Variants in RASSF4 observed in about 807,000 individuals in gnomAD.
RASSF4 encodes ras association domain-containing protein 4.
Under a neutral mutation model 41.1 loss-of-function variants are expected in RASSF4, and 38 were observed. The observed-to-expected ratio is 0.92, with a 90% CI of 0.71 to 1.21. The LOEUF (loss-of-function observed/expected upper bound fraction) is 1.21. RASSF4 is among the 50% of genes most tolerant of loss of function. The pLI is 0.00. For synonymous variants in RASSF4, 179 were observed against 163.4 expected (o/e 1.10, Z -0.73); for missense variants, 414 against 419.4 (o/e 0.99, Z 0.11).
chr10:44,984,890 C>A lies in RASSF4; in HGVS notation c.451C>A (p.Pro151Thr). Residue 151 changes from proline (P) to threonine (T), a missense_variant, in exon 6 of 11, where the codon CCC becomes ACC. By Grantham distance (38) the Pro-to-Thr change is conservative (BLOSUM62 -1). Transcript: ENST00000340258. ...SDASCMSQRR[P>T]KCRAPGEAQR... ...CGCCAGTTGCATGAGCCAGAGGAGGCCCAAGTGCCGCGCCCCCGGTGAGGC... is the reference window on the plus strand; with the variant it reads ...CGCCAGTTGCATGAGCCAGAGGAGGACCAAGTGCCGCGCCCCCGGTGAGGC... 6.2e-7 allele frequency: 1 copy of A among 1,613,610 alleles called. No individual in the cohort carries two copies. Among genetic ancestry groups the A allele is most frequent in the Non-Finnish European group, 8.5e-7 (1 of 1,180,020 alleles).
intron 3 of RASSF4, among the ~76,000 whole-genome samples, chr10:44,974,967 T>C (rs1315718993): frequency 6.6e-6 from 1 of 152,242 alleles, no homozygotes; most frequent in Non-Finnish European, 1.5e-5. Flanking sequence ...GGCTGGCTGG[T>C]ATCTCAAAAG....
intron 1 of RASSF4, 100 bp downstream of exon 1, chr10:44,959,966 T>G (rs1358444390): frequency 6.6e-6 from 1 of 152,226 alleles, no homozygotes. Flanking sequence ...TGGGCACTTG[T>G]GCCCTTCGGC....
chr10:44,989,705 C>T lies in RASSF4; in HGVS notation c.669C>T (p.Ile223=), dbSNP rs11540204. The part of the protein sequence containing the change: ...EDGPSEFALY[I]VHESGERTKL... ...GCCCCAGTGAGTTCGCACTCTACATCGTTCACGAGTCTGGGGGTAAGTACC... is the reference window on the plus strand; with the variant it reads ...GCCCCAGTGAGTTCGCACTCTACATTGTTCACGAGTCTGGGGGTAAGTACC... Residue 223 remains isoleucine, a synonymous_variant, in exon 8 of 11, where the codon ATC becomes ATT. Transcript: ENST00000340258. 3,070 of 1,614,130 alleles carry T rather than the reference C, an allele frequency of 1.9e-3. 3 individuals are homozygous for T. The highest frequency in any genetic ancestry group is 2.4e-3 in the Non-Finnish European group (2,852 of 1,179,972).
chr10:44,989,238 G>A (rs1410274088), intron 6 of RASSF4, 36 bp from the exon 7 acceptor site: 2 of 1,393,788 alleles, frequency 1.4e-6, no homozygotes, highest in Middle Eastern at 1.8e-4. Flanking sequence ...TGTCCCCTCT[G>A]GGCCTGACCT....
At chr10:44,972,307 T>C (rs1202781051) in intron 3 of RASSF4, among the ~76,000 whole-genome samples, 4 of 152,190 alleles carry the variant, frequency 2.6e-5, no homozygotes, top group Admixed American at 2.6e-4. Context: ...AAGTGGGGTG[T>C]GGGGCTACAC....
rs1041016380 is a variant in RASSF4 at position 44,993,001 on chromosome 10, C to T, written c.906-268C>T. Among the ~76,000 whole-genome samples, 13 of 152,232 alleles carry T rather than the reference C, an allele frequency of 8.5e-5. No homozygotes were observed. The East Asian group carries it at 2.1e-3, about 25-fold the overall frequency. On this transcript the variant is annotated intron_variant, in intron 10 of 10. Coordinates refer to ENST00000340258, the MANE Select transcript of RASSF4 (RefSeq NM_032023.4). ...CATGGGCTTCCCGATCTCTGCTCTA[C>T]CGCCCTGTCCACTCCAGTGTGCTGT... is the stretch of plus-strand genomic sequence containing the variant.
At chr10:44,977,334 A>C (rs1310648035) in intron 3 of RASSF4, 1 of 1,506,916 alleles carries the variant, frequency 6.6e-7, no homozygotes, top group Non-Finnish European at 8.9e-7. Flanking sequence ...ACCATGGAGG[A>C]GACGAGAGGA....
intron 1 of RASSF4, among the ~76,000 whole-genome samples, chr10:44,964,558 C>T (rs1840831801): frequency 6.6e-6 from 1 of 152,246 alleles, no homozygotes; most frequent in South Asian, 2.1e-4. Flanking sequence ...CTCCTGCTGC[C>T]ACCCATGCAG....
At chr10:44,964,763 C>T (rs1840838418) in intron 1 of RASSF4, among the ~76,000 whole-genome samples, 1 of 152,208 alleles carries the variant, frequency 6.6e-6, no homozygotes, top group South Asian at 2.1e-4. Flanking sequence ...CTTTCCTCTC[C>T]TGTTGGGTGT....
chr10:44,989,783 C>A, intron 8 of RASSF4, 62 bp downstream of exon 8: 1 of 1,417,478 alleles, frequency 7.1e-7, no homozygotes, highest in Non-Finnish European at 1.0e-6. Flanking sequence ...TCAGCAAGCC[C>A]CCTCCCCACC....
rs1841807692 is a variant in RASSF4, at chr10:44,983,738, C to T, written c.282-284C>T. 4 of 436,536 alleles carry T rather than the reference C, an allele frequency of 9.2e-6. No individual in the cohort carries two copies. In the South Asian group the frequency reaches 9.6e-5, roughly 10 times the overall value. The allele number at this position is 436,536 out of a possible 1,614,324, so 27.0% of individuals were successfully genotyped here. On this transcript the variant is annotated intron_variant, in intron 4 of 10. Coordinates refer to ENST00000340258, the MANE Select transcript of RASSF4 (RefSeq NM_032023.4). Reference sequence around the variant, plus strand: ...GCCTGGTGTCTAGGAATGCGCAGGCCCTGACTATGTTCATGTGTCCGTGTG... The same window carrying T: ...GCCTGGTGTCTAGGAATGCGCAGGCTCTGACTATGTTCATGTGTCCGTGTG...
chr10:44,988,984 T>G (rs1284493008), intron 6 of RASSF4, among the ~76,000 whole-genome samples: 1 of 152,140 alleles, frequency 6.6e-6, no homozygotes, highest in African/African-American at 2.4e-5. Flanking sequence ...AGAGACTGAT[T>G]CCCCCACCCT....
intron 3 of RASSF4, among the ~76,000 whole-genome samples, chr10:44,980,385 C>T (rs182298180): frequency 4.1e-4 from 62 of 152,306 alleles, no homozygotes; most frequent in East Asian, 1.3e-3. Flanking sequence ...GGGAGGGAGG[C>T]GGAGAATTCG....
chr10:44,985,835 A>G (rs1841901942), intron 6 of RASSF4, among the ~76,000 whole-genome samples: 1 of 152,044 alleles, frequency 6.6e-6, no homozygotes, highest in Non-Finnish European at 1.5e-5. Flanking sequence ...TCTCCCTTCC[A>G]CCCCCTGCTA....
chr10:44,993,206 C>T, intron 10 of RASSF4, 63 bp from the exon 11 acceptor site: 1 of 1,466,930 alleles, frequency 6.8e-7, no homozygotes, highest in African/African-American at 1.4e-5. Context: ...GTCCCTTGCT[C>T]TGCTGCCCAC....
chr10:44,961,735 G>T (rs2132757745), intron 1 of RASSF4, among the ~76,000 whole-genome samples: 1 of 152,350 alleles, frequency 6.6e-6, no homozygotes, highest in Non-Finnish European at 1.5e-5. Context: ...TTGATGAGGA[G>T]CCCAAGGTTC....
chr10:44,969,099 C>T (rs912194532), intron 1 of RASSF4, among the ~76,000 whole-genome samples: 11 of 111,796 alleles, frequency 9.8e-5, no homozygotes, highest in African/African-American at 2.2e-4. Flanking sequence ...ATTGTGTATG[C>T]GTGTGTTTTT....
chr10:44,989,181 G>T (rs1842019571), intron 6 of RASSF4, 93 bp from the exon 7 acceptor site: 3 of 749,390 alleles, frequency 4.0e-6, no homozygotes, highest in Middle Eastern at 4.8e-4. Context: ...CCAGATCTCA[G>T]CGTCACCTGC....
At chr10:44,974,199 G>A (rs533808876) in intron 3 of RASSF4, among the ~76,000 whole-genome samples, 2 of 152,342 alleles carry the variant, frequency 1.3e-5, no homozygotes, top group East Asian at 1.9e-4. Context: ...CAGGGGCAGG[G>A]CCATCCCAGG....
Sources: gnomAD v4.1 joint callset for allele counts (sites outside exome capture counted in the v4.1 genomes callset) on GRCh38, gnomAD v4.1.1 for gene constraint, MANE v1.5 for transcripts, NCBI Gene and HGNC (gene_info 2026-07-23, HGNC 2026-07-21) for gene names.